Variants in JMJD1C observed in about 807,000 individuals in gnomAD.
JMJD1C encodes the protein jumonji domain-containing protein 1C.
JMJD1C carries 31 observed loss-of-function variants against 245.3 expected under a neutral mutation model. The ratio of observed to expected loss-of-function variants is 0.13; its 90% CI spans 0.09 to 0.17. The LOEUF (loss-of-function observed/expected upper bound fraction) is 0.17. JMJD1C is among the 10% of genes least tolerant of loss of function. The probability of loss-of-function intolerance (pLI) is 1.00; values close to 1 mark genes in which losing one functional copy is unlikely to be tolerated. For missense variants in JMJD1C, 2,691 were observed against 3,000.2 expected (o/e 0.90, Z 2.41); for synonymous variants, 1,057 against 1,017.4 (o/e 1.04, Z -0.74).
At chr10:63,365,313 G>A (rs187182726) in intron 2 of JMJD1C, among the ~76,000 whole-genome samples, 2 of 152,046 alleles carry the variant, frequency 1.3e-5, no homozygotes, top group Admixed American at 6.6e-5. Context: ...TATACCTCCT[G>A]AACACAAAAA....
chr10:63,295,956 T>C (rs1859335893), intron 2 of JMJD1C, among the ~76,000 whole-genome samples: 1 of 87,116 alleles, frequency 1.1e-5, no homozygotes, highest in Admixed American at 1.1e-4. Flanking sequence ...TATATACACG[T>C]ATATGTGTGT....
At chr10:63,464,944 C>A (rs376415473) in intron 1 of JMJD1C, among the ~76,000 whole-genome samples, 12 of 152,322 alleles carry the variant, frequency 7.9e-5, no homozygotes, top group East Asian at 7.7e-4. Context: ...CGGGCACAGC[C>A]ACCACCACGG....
chr10:63,258,406 G>A lies in JMJD1C; in HGVS notation c.447+6245C>T, dbSNP rs367759075. Among the ~76,000 whole-genome samples the A allele has an allele frequency of 2.0e-5, 3 of 152,318 alleles. No homozygotes were observed. In the East Asian group the frequency reaches 5.8e-4, roughly 29 times the overall value. ...TATTTACAATAACCAACATGCCATT[G>A]TTACACAGATAATTTTGTTACTCTC... On this transcript the variant is annotated intron_variant, in intron 3 of 25. Coordinates refer to ENST00000399262, the MANE Select transcript of JMJD1C (RefSeq NM_032776.3).
Position 63,428,375 on chromosome 10 carries a change from C to T in JMJD1C, c.168+37120G>A, listed in dbSNP as rs77987516. ...CAAAAGATCAATTAACGAAATTTTA[C>T]AAATTATTTCACAAAGATTACAAAA... On this transcript the variant is annotated intron_variant, in intron 1 of 25. Coordinates refer to ENST00000399262, the MANE Select transcript of JMJD1C (RefSeq NM_032776.3). Among the ~76,000 whole-genome samples the T allele has an allele frequency of 1.2e-3, 186 of 152,268 alleles. 1 individual carries two copies. In the East Asian group the frequency reaches 0.016, roughly 13 times the overall value.
At chr10:63,426,836 C>T (rs1462742777) in intron 1 of JMJD1C, among the ~76,000 whole-genome samples, 3 of 151,942 alleles carry the variant, frequency 2.0e-5, no homozygotes, top group African/African-American at 7.3e-5. Flanking sequence ...ATATTTTCTC[C>T]AAAAGAGAAA....
intron 3 of JMJD1C, among the ~76,000 whole-genome samples, chr10:63,225,037 A>C (rs940506802): frequency 6.6e-6 from 1 of 151,792 alleles, no homozygotes; most frequent in Non-Finnish European, 1.5e-5. Context: ...ACTCCAGCCT[A>C]GAGACAGAGC....
chr10:63,470,292 T>C (rs891879289), upstream of JMJD1C, among the ~76,000 whole-genome samples: 2 of 149,830 alleles, frequency 1.3e-5, no homozygotes, highest in African/African-American at 2.5e-5. Context: ...TGAATGAATA[T>C]AGCAAAATGT....
chr10:63,330,395 GTATC>G (rs755311000), intron 2 of JMJD1C, among the ~76,000 whole-genome samples: 1 of 151,974 alleles, frequency 6.6e-6, no homozygotes, highest in Non-Finnish European at 1.5e-5. Flanking sequence ...GAAGAAAATG[GTATC>G]TTTCTAGTTT....
chr10:63,222,486 G>C, intron 3 of JMJD1C: 1 of 1,019,500 alleles, frequency 9.8e-7, no homozygotes, highest in Non-Finnish European at 1.6e-6. Context: ...GTGGCAGTAG[G>C]AGAATGTGGA....
At position 63,301,853 on chromosome 10, in the gene JMJD1C, A is replaced by T. The variant is rs556481113; in HGVS notation, c.334-37089T>A. On this transcript the variant is annotated intron_variant, in intron 2 of 25. Transcript: ENST00000399262. ...AATAAAACATTTTCACAATGAAGAA[A>T]AAACAAACAAATGGCTAAAGAATTC... The T allele has an allele frequency of 7.9e-6, 3 of 378,988 alleles. No individual in the cohort carries two copies. In the Admixed American group the frequency reaches 1.0e-4, roughly 13 times the overall value. 23.5% of individuals were successfully genotyped at this position (378,988 alleles called of 1,614,324 possible). A position where few individuals can be genotyped will look rare whatever the true frequency, so the allele number is the denominator to read the frequency against.
chr10:63,512,548 A>T lies in JMJD1C; in HGVS notation n.113+9190T>A, dbSNP rs546174610. Among the ~76,000 whole-genome samples, 13 of 152,246 alleles carry T rather than the reference A, an allele frequency of 8.5e-5. No homozygotes were observed. The South Asian group carries it at 2.7e-3, about 32-fold the overall frequency. On this transcript the variant is annotated intron_variant and non_coding_transcript_variant, in intron 1 of 3. Transcript: ENST00000633035. ...CTTCTTGCTTGCATGATTTCTGAGA[A>T]GTTGGATGTAATTTTTATCTTAGTT...
rs1332948820 is a variant in JMJD1C, at chr10:63,380,061, T to TG, written c.333+256_333+257insC. On this transcript the variant is annotated intron_variant, in intron 2 of 25. Coordinates refer to ENST00000399262, the MANE Select transcript of JMJD1C (RefSeq NM_032776.3). ...CTCACGTGATCCTCCCACCTCAGCCTCCCAAGTAGCTGGGACCACAGGTAT... is the reference window on the plus strand; with the variant it reads ...CTCACGTGATCCTCCCACCTCAGCCTGCCCAAGTAGCTGGGACCACAGGTAT... Among the ~76,000 whole-genome samples, 6 of 151,310 alleles carry TG rather than the reference T, an allele frequency of 4.0e-5. No homozygotes were observed. The East Asian group carries it at 7.8e-4, about 20-fold the overall frequency.
chr10:63,306,217 G>A (rs1938204456), intron 2 of JMJD1C, among the ~76,000 whole-genome samples: 1 of 152,090 alleles, frequency 6.6e-6, no homozygotes, highest in African/African-American at 2.4e-5. Context: ...AGCCTCCAGT[G>A]TAGCTGGGAC....
intron 2 of JMJD1C, among the ~76,000 whole-genome samples, chr10:63,347,807 C>G (rs949135580): frequency 4.0e-5 from 6 of 151,428 alleles, no homozygotes; most frequent in African/African-American, 1.5e-4. Flanking sequence ...CCAGCTACTC[C>G]GGCGGCGGAG....
At position 63,317,279 on chromosome 10, in the gene JMJD1C, G is replaced by A. The variant is rs539611862; in HGVS notation, c.334-52515C>T. Among the ~76,000 whole-genome samples, 6 of 152,250 alleles carry A rather than the reference G, an allele frequency of 3.9e-5. No homozygotes were observed. The South Asian group carries it at 1.2e-3, about 32-fold the overall frequency. ...CCAGCACTTTGGGAGGCCGAGGTGG[G>A]CAGATCCACGAGGTCAGAAGATTGA... On this transcript the variant is annotated intron_variant, in intron 2 of 25. Transcript: ENST00000399262.
At chr10:63,413,687 T>C (rs567456414) in intron 1 of JMJD1C, among the ~76,000 whole-genome samples, 2 of 152,292 alleles carry the variant, frequency 1.3e-5, no homozygotes, top group Admixed American at 6.5e-5. Flanking sequence ...TAAGAAATAC[T>C]AGAAATCTAA....
At chr10:63,323,621 C>A (rs1417037286) in intron 2 of JMJD1C, among the ~76,000 whole-genome samples, 2 of 152,098 alleles carry the variant, frequency 1.3e-5, no homozygotes, top group African/African-American at 4.8e-5. Flanking sequence ...GATAAGAGCA[C>A]AATAAGGCCA....
At chr10:63,407,520 T>C (rs1218772078) in intron 1 of JMJD1C, among the ~76,000 whole-genome samples, 1 of 152,152 alleles carries the variant, frequency 6.6e-6, no homozygotes, top group Admixed American at 6.5e-5. Context: ...CTCAAATAGA[T>C]AAGATGACAT....
chr10:63,506,260 T>C (rs1467722989), intron 1 of JMJD1C, among the ~76,000 whole-genome samples: 1 of 152,156 alleles, frequency 6.6e-6, no homozygotes, highest in Non-Finnish European at 1.5e-5. Flanking sequence ...ACCTTGTTGG[T>C]TGGGATTTAG....
Sources: gnomAD v4.1 joint callset for allele counts (sites outside exome capture counted in the v4.1 genomes callset) on GRCh38, gnomAD v4.1.1 for gene constraint, MANE v1.5 for transcripts, NCBI Gene and HGNC (gene_info 2026-07-23, HGNC 2026-07-21) for gene names.